KLRG1: variants seen among roughly 807,000 people sequenced by gnomAD.
The protein encoded by KLRG1 is killer cell lectin like receptor G1.
Under a neutral mutation model 21.8 loss-of-function variants are expected in KLRG1, and 16 were observed. That is an observed-to-expected ratio of 0.73 (90% CI 0.50 to 1.11). KLRG1 has a LOEUF of 1.11. KLRG1 is among the 50% of genes most tolerant of loss of function. The probability of loss-of-function intolerance (pLI) is 0.00; values close to 1 mark genes in which losing one functional copy is unlikely to be tolerated. For missense variants in KLRG1, 173 were observed against 218.3 expected, an observed-to-expected ratio of 0.79 and a Z score of 1.31; for synonymous variants, 69 against 75.9, an observed-to-expected ratio of 0.91 and a Z score of 0.47.
At chr12:8,956,638 GGTTTC>G (rs369114846) in intron 1 of KLRG1, among the ~76,000 whole-genome samples, 153 of 152,158 alleles carry the variant, frequency 1.0e-3, no homozygotes, top group African/African-American at 3.5e-3. Context: ...GTAGAGATGG[GGTTTC>G]GCCACGTTGG....
chr12:9,023,900 G>GT, the KLRG1 span, among the ~76,000 whole-genome samples: 90 of 147,544 alleles, frequency 6.1e-4, no homozygotes, highest in African/African-American at 1.4e-3. Context: ...ATAGGTTGAG[G>GT]TTTTTTTTTT....
rs59760555 is a variant in KLRG1 at position 8,973,163 on chromosome 12, G to GAAA, written c.-155-19019_-155-19017dup. 1.2e-4 allele frequency among the ~76,000 whole-genome samples: 12 copies of GAAA among 97,034 alleles called. 1 individual carries two copies. The highest frequency in any genetic ancestry group is 4.0e-4 in the African/African-American group (9 of 22,542). The allele number at this position is 97,034 out of a possible 152,430, so 63.7% of individuals were successfully genotyped here. On this transcript the variant is annotated intron_variant, in intron 1 of 4. Coordinates refer to the KLRG1 transcript ENST00000539240. ...GACAGAGCGAGACTCCATCTCAAAAGAAAAAAAAAAAAAAAAAAAAAAAAA... is the reference window on the plus strand; with the variant it reads ...GACAGAGCGAGACTCCATCTCAAAAGAAAAAAAAAAAAAAAAAAAAAAAAAAAA...
At chr12:9,187,527 T>G in the KLRG1 span, among the ~76,000 whole-genome samples, 1 of 152,114 alleles carries the variant, frequency 6.6e-6, no homozygotes, top group Non-Finnish European at 1.5e-5. Flanking sequence ...AAGAAGAAAA[T>G]CACTCAAAAC....
At chr12:9,187,219 G>A in the KLRG1 span, among the ~76,000 whole-genome samples, 88 of 152,118 alleles carry the variant, frequency 5.8e-4, 3 homozygotes, top group East Asian at 0.016. Flanking sequence ...CCTTCAAAGA[G>A]ACTCAGACTC....
At chr12:9,188,349 A>G in the KLRG1 span, among the ~76,000 whole-genome samples, 1 of 152,174 alleles carries the variant, frequency 6.6e-6, no homozygotes, top group Non-Finnish European at 1.5e-5. Flanking sequence ...CTCCCAATAA[A>G]CTAGATATTG....
the KLRG1 span, among the ~76,000 whole-genome samples, chr12:9,136,793 T>C: frequency 6.6e-6 from 1 of 152,208 alleles, no homozygotes; most frequent in East Asian, 1.9e-4. Context: ...GAGCATTTTT[T>C]CATATACCTA....
the KLRG1 span, among the ~76,000 whole-genome samples, chr12:9,189,654 C>T: frequency 2.0e-5 from 3 of 151,900 alleles, no homozygotes; most frequent in Admixed American, 2.0e-4. Context: ...ATCTAATTAA[C>T]CTAAAGAGCT....
chr12:8,953,548 T>C lies in KLRG1; in HGVS notation c.-156+3312T>C, dbSNP rs1946240148. On this transcript the variant is annotated intron_variant, in intron 1 of 4. Transcript: ENST00000539240. The stretch of plus-strand genomic sequence containing the variant: ...GTAGCTTGGCTTTCAGGCTTTAAAC[T>C]GTCTTCAGCTTGGAGATGGGGTTTC... 2.6e-5 allele frequency among the ~76,000 whole-genome samples: 4 copies of C among 152,184 alleles called. No homozygotes were observed. In the South Asian group the frequency reaches 8.3e-4, roughly 32 times the overall value.
At chr12:9,118,346 C>A in the KLRG1 span, among the ~76,000 whole-genome samples, 2 of 152,184 alleles carry the variant, frequency 1.3e-5, no homozygotes, top group Non-Finnish European at 2.9e-5. Context: ...GGAAGTGATA[C>A]ATGCAACTTT....
chr12:9,150,116 AAT>A, the KLRG1 span, among the ~76,000 whole-genome samples: 2 of 152,116 alleles, frequency 1.3e-5, no homozygotes, highest in African/African-American at 4.8e-5. Flanking sequence ...ATTTGTCACT[AAT>A]AGTCTTTCCT....
chr12:9,095,441 C>T, the KLRG1 span: 1 of 1,206,094 alleles, frequency 8.3e-7, no homozygotes. Flanking sequence ...TCCCATTACC[C>T]TCAACTAGGA....
the KLRG1 span, among the ~76,000 whole-genome samples, chr12:9,162,870 C>T: frequency 3.7e-4 from 57 of 152,208 alleles, no homozygotes; most frequent in African/African-American, 1.3e-3. Flanking sequence ...ACAGATCATC[C>T]CATCACCTAG....
chr12:9,138,619 A>G, the KLRG1 span, among the ~76,000 whole-genome samples: 1 of 152,012 alleles, frequency 6.6e-6, no homozygotes, highest in Non-Finnish European at 1.5e-5. Context: ...CTGTGAAGCT[A>G]TCTGATCCTG....
chr12:9,164,138 G>A, the KLRG1 span: 1 of 1,611,494 alleles, frequency 6.2e-7, no homozygotes, highest in Non-Finnish European at 8.5e-7. Flanking sequence ...CTCACCCAGA[G>A]TTTTAGGAGT....
chr12:9,127,971 C>T, the KLRG1 span: 2 of 312,260 alleles, frequency 6.4e-6, no homozygotes, highest in Non-Finnish European at 1.3e-5. Flanking sequence ...TGACACCCGC[C>T]GCCTGGCTGC....
chr12:9,013,998 A>G (rs1947666359), downstream of KLRG1, among the ~76,000 whole-genome samples: 1 of 152,234 alleles, frequency 6.6e-6, no homozygotes, highest in Admixed American at 6.5e-5. Flanking sequence ...GAGTCTCTCA[A>G]CAGCAGAACT....
the KLRG1 span, chr12:9,077,376 G>A: frequency 3.1e-6 from 5 of 1,613,518 alleles, no homozygotes; most frequent in Middle Eastern, 1.6e-4. Flanking sequence ...CCAGAAGGGC[G>A]ATGGTGATAT....
the KLRG1 span, among the ~76,000 whole-genome samples, chr12:9,029,357 A>T: frequency 6.6e-6 from 1 of 152,148 alleles, no homozygotes; most frequent in African/African-American, 2.4e-5. Context: ...CTGGGATTAC[A>T]GGCATGTGCC....
chr12:9,118,278 C>T, the KLRG1 span, among the ~76,000 whole-genome samples: 1 of 152,058 alleles, frequency 6.6e-6, no homozygotes, highest in Non-Finnish European at 1.5e-5. Context: ...TGTTTTTAAC[C>T]CACTCCCTTG....
Sources: allele counts gnomAD v4.1 joint callset (sites outside exome capture counted in the v4.1 genomes callset), GRCh38; gene constraint gnomAD v4.1.1; transcripts MANE v1.5; gene names NCBI Gene and HGNC (gene_info 2026-07-23, HGNC 2026-07-21).